TBC1D4: variants seen among roughly 807,000 people sequenced by gnomAD.
TBC1D4 encodes the protein TBC (Tre-2, BUB2, CDC16) domain-containing protein.
A neutral mutation model predicts 142.5 loss-of-function variants in TBC1D4; 121 were observed. The ratio of observed to expected loss-of-function variants is 0.85; its 90% CI spans 0.73 to 0.99. TBC1D4 has a LOEUF of 0.99. Ranked by LOEUF, TBC1D4 falls within the 50% of genes least tolerant of loss-of-function variation. The pLI, the probability that TBC1D4 is intolerant of heterozygous loss-of-function variation, is 0.00. For synonymous variants in TBC1D4, 630 were observed against 628.2 expected (o/e 1.00, Z -0.04); for missense variants, 1,475 against 1,606.6 (o/e 0.92, Z 1.40).
At chr13:75,297,821 A>C (rs1348563404) in intron 17 of TBC1D4, among the ~76,000 whole-genome samples, 1 of 152,086 alleles carries the variant, frequency 6.6e-6, no homozygotes, top group Non-Finnish European at 1.5e-5. Context: ...ATAAAAAATA[A>C]AACTTTCCAC....
intron 1 of TBC1D4, among the ~76,000 whole-genome samples, chr13:75,433,009 A>T (rs1351271792): frequency 1.3e-5 from 2 of 152,012 alleles, no homozygotes; most frequent in Non-Finnish European, 2.9e-5. Flanking sequence ...TCTAATAAGG[A>T]TTAGAGCAAA....
At chr13:75,427,244 C>T (rs974702051) in intron 1 of TBC1D4, among the ~76,000 whole-genome samples, 5 of 152,124 alleles carry the variant, frequency 3.3e-5, no homozygotes, top group African/African-American at 9.7e-5. Context: ...CCCCTCACCG[C>T]GCCTGACTAA....
At chr13:75,332,382 T>C (rs1879823613) in intron 8 of TBC1D4, among the ~76,000 whole-genome samples, 1 of 152,216 alleles carries the variant, frequency 6.6e-6, no homozygotes. Context: ...AGATCATAAA[T>C]ATAAAATCGG....
At chr13:75,321,106 A>G (rs1051795140) in intron 11 of TBC1D4, among the ~76,000 whole-genome samples, 1 of 151,888 alleles carries the variant, frequency 6.6e-6, no homozygotes, top group African/African-American at 2.4e-5. Context: ...CTACTTGACT[A>G]TGCATATTTA....
chr13:75,363,105 A>G (rs1319887021), intron 1 of TBC1D4, among the ~76,000 whole-genome samples: 1 of 152,174 alleles, frequency 6.6e-6, no homozygotes, highest in Non-Finnish European at 1.5e-5. Context: ...CTAAGATAAA[A>G]AGAAGACTGC....
At chr13:75,314,222 T>C (rs1315193865) in intron 12 of TBC1D4, among the ~76,000 whole-genome samples, 2 of 152,162 alleles carry the variant, frequency 1.3e-5, no homozygotes, top group Non-Finnish European at 2.9e-5. Flanking sequence ...CAGTCTGAGT[T>C]TGCCTGAGAG....
At chr13:75,464,550 AG>A (rs1888093413) in intron 1 of TBC1D4, among the ~76,000 whole-genome samples, 1 of 152,258 alleles carries the variant, frequency 6.6e-6, no homozygotes, top group East Asian at 1.9e-4. Context: ...AACTCTGTTC[AG>A]GGCTCTCAGC....
At chr13:75,323,870 T>G (rs994856685) in intron 11 of TBC1D4, among the ~76,000 whole-genome samples, 1 of 152,078 alleles carries the variant, frequency 6.6e-6, no homozygotes, top group African/African-American at 2.4e-5. Flanking sequence ...CCATTAAATA[T>G]GTCTAGAAAG....
rs9543944 is a variant in TBC1D4, at chr13:75,480,939, C to T, written c.498+331G>A. Among the ~76,000 whole-genome samples, 64,634 of 152,006 alleles carry T rather than the reference C, an allele frequency of 0.43. 14,465 individuals are homozygous for T. The highest frequency in any genetic ancestry group is 0.54 in the African/African-American group (22,367 of 41,460). On this transcript the variant is annotated intron_variant, in intron 1 of 20. Transcript: ENST00000377636. Reference sequence around the variant, plus strand: ...AAGCCATCTCCGGTCACACCCCAGACACCGCCGTCCTCCCGGGACGGGCGC... The same window carrying T: ...AAGCCATCTCCGGTCACACCCCAGATACCGCCGTCCTCCCGGGACGGGCGC...
chr13:75,379,705 T>G (rs1352928430), intron 1 of TBC1D4, among the ~76,000 whole-genome samples: 2 of 152,056 alleles, frequency 1.3e-5, no homozygotes, highest in East Asian at 3.9e-4. Context: ...AGTCCTTAAA[T>G]AGCCTCATGT....
rs557550116 is a variant in TBC1D4, at chr13:75,313,687, A to AT, written c.2223-790dup. On this transcript the variant is annotated intron_variant, in intron 12 of 20. Coordinates refer to ENST00000377636, the MANE Select transcript of TBC1D4 (RefSeq NM_014832.5). ...CAGGTGCACACCGCCACACCTGGCT[A>AT]TTTTTTTAAAAAAATCTTCGTAGAG... Among the ~76,000 whole-genome samples the AT allele has an allele frequency of 5.5e-4, 84 of 152,096 alleles. No homozygotes were observed. The Middle Eastern group carries it at 0.017, about 31-fold the overall frequency.
chr13:75,409,745 T>C (rs1885517457), intron 1 of TBC1D4, among the ~76,000 whole-genome samples: 1 of 152,342 alleles, frequency 6.6e-6, no homozygotes, highest in African/African-American at 2.4e-5. Flanking sequence ...GCAATAAATG[T>C]TCTCTGCAAT....
At chr13:75,406,591 T>C (rs1251410938) in intron 1 of TBC1D4, among the ~76,000 whole-genome samples, 2 of 152,160 alleles carry the variant, frequency 1.3e-5, no homozygotes, top group Non-Finnish European at 2.9e-5. Context: ...GGAGCACACA[T>C]CACAGTGTTG....
Position 75,481,572 on chromosome 13 carries a change from T to C in TBC1D4, c.196A>G (p.Ser66Gly). ...PWLMAEIRRR[S>G]QKPEAGGCGA... ...CAGCCGCCCGCCTCGGGCTTCTGGC[T>C]GCGCCTGCGGATCTCGGCCATGAGC... The change falls in exon 1 of 21, where the codon AGC becomes GGC. Residue 66 changes from serine (S) to glycine (G), a missense_variant. By Grantham distance (56) the Ser-to-Gly change is moderately conservative. This residue lies in a region of TBC1D4 where 1,227 missense variants were observed against 1,267.7 expected (regional missense o/e 0.97). Transcript: ENST00000377636. 6.2e-7 allele frequency: 1 copy of C among 1,601,098 alleles called. No individual in the cohort carries two copies. The highest frequency in any genetic ancestry group is 1.7e-5 in the Admixed American group (1 of 58,588).
At chr13:75,359,075 C>T (rs2067548029) in intron 3 of TBC1D4, among the ~76,000 whole-genome samples, 1 of 152,130 alleles carries the variant, frequency 6.6e-6, no homozygotes, top group South Asian at 2.1e-4. Context: ...TAAGTTAAGT[C>T]ACCAGGCAGA....
chr13:75,370,418 G>A (rs1357404242), intron 1 of TBC1D4, among the ~76,000 whole-genome samples: 1 of 152,198 alleles, frequency 6.6e-6, no homozygotes, highest in Non-Finnish European at 1.5e-5. Flanking sequence ...ATATGGACAA[G>A]GGTAATGGGC....
chr13:75,389,325 G>C (rs533925547), intron 1 of TBC1D4, among the ~76,000 whole-genome samples: 1 of 152,266 alleles, frequency 6.6e-6, no homozygotes, highest in South Asian at 2.1e-4. Flanking sequence ...AAACAGCCTT[G>C]AAAGGAGATT....
chr13:75,334,121 G>A (rs1315408852), intron 8 of TBC1D4, among the ~76,000 whole-genome samples: 1 of 152,024 alleles, frequency 6.6e-6, no homozygotes, highest in African/African-American at 2.4e-5. Flanking sequence ...TCTTATTTAT[G>A]ATAAAACTTT....
At chr13:75,386,457 C>T (rs9593070) in intron 1 of TBC1D4, among the ~76,000 whole-genome samples, 1,846 of 147,192 alleles carry the variant, frequency 0.013, 49 homozygotes, top group African/African-American at 0.043. Context: ...GGTGTGATCT[C>T]GGCTCACTGC....
Sources: gnomAD v4.1 joint callset for allele counts (sites outside exome capture counted in the v4.1 genomes callset) on GRCh38, gnomAD v4.1.1 for gene constraint, gnomAD v4.1.1 regional missense constraint, MANE v1.5 for transcripts, NCBI Gene and HGNC (gene_info 2026-07-23, HGNC 2026-07-21) for gene names.